The following EPHA3 variants were observed in gnomAD, a reference collection of about 807,000 sequenced individuals.
The protein encoded by EPHA3 is ephrin type-A receptor 3.
EPHA3 carries 42 observed loss-of-function variants against 107.1 expected under a neutral mutation model. That is an observed-to-expected ratio of 0.39 (90% confidence interval 0.31 to 0.51). The LOEUF (loss-of-function observed/expected upper bound fraction) is 0.51. Ranked by LOEUF, EPHA3 falls within the 20% of genes least tolerant of loss-of-function variation. The pLI, the probability that EPHA3 is intolerant of heterozygous loss-of-function variation, is 0.78. For synonymous variants in EPHA3, 461 were observed against 424.8 expected (o/e 1.09, Z -1.05); for missense variants, 1,183 against 1,211.2 (o/e 0.98, Z 0.35).
chr3:89,351,381 C>T (rs1448891665), intron 5 of EPHA3, among the ~76,000 whole-genome samples: 188 of 144,466 alleles, frequency 1.3e-3, no homozygotes, highest in Middle Eastern at 3.2e-3. Context: ...CCCGATTTTC[C>T]AGGTGCGTCC....
intron 15 of EPHA3, among the ~76,000 whole-genome samples, chr3:89,459,702 T>C (rs75344343): frequency 0.033 from 4,963 of 152,172 alleles, 276 homozygotes; most frequent in African/African-American, 0.11. Flanking sequence ...TTTGTATTCT[T>C]AGTGGAGATG....
At chr3:89,409,529 C>T (rs762837960) in intron 9 of EPHA3, among the ~76,000 whole-genome samples, 11 of 151,892 alleles carry the variant, frequency 7.2e-5, no homozygotes, top group Admixed American at 2.0e-4. Context: ...GTTCCTCTAT[C>T]GTCCCAGTCT....
chr3:89,384,323 T>C (rs1708571003), intron 5 of EPHA3, among the ~76,000 whole-genome samples: 1 of 152,148 alleles, frequency 6.6e-6, no homozygotes, highest in African/African-American at 2.4e-5. Context: ...AAAGTTAATG[T>C]TCTTACCCAA....
At chr3:89,307,426 A>G (rs1429331373) in intron 3 of EPHA3, among the ~76,000 whole-genome samples, 1 of 152,224 alleles carries the variant, frequency 6.6e-6, no homozygotes, top group Non-Finnish European at 1.5e-5. Flanking sequence ...AGGCTTAATT[A>G]TTCAGCTGGT....
At chr3:89,300,353 A>G (rs1214816385) in intron 3 of EPHA3, among the ~76,000 whole-genome samples, 2 of 152,080 alleles carry the variant, frequency 1.3e-5, no homozygotes, top group African/African-American at 4.8e-5. Context: ...AAAGTTATAT[A>G]TTAATATGTA....
At chr3:89,342,655 C>T (rs987495006) in intron 5 of EPHA3, among the ~76,000 whole-genome samples, 5 of 151,942 alleles carry the variant, frequency 3.3e-5, no homozygotes, top group Non-Finnish European at 5.9e-5. Flanking sequence ...AGAAATAATG[C>T]CCCTTTGAGA....
chr3:89,185,139 G>A lies in EPHA3; in HGVS notation c.154-24721G>A, dbSNP rs186149132. ...AAGAACCTAAACCTAGAAACATTAT[G>A]TTGTTTCCTGTATAATTCAAAGTCA... On this transcript the variant is annotated intron_variant, in intron 2 of 16. Transcript: ENST00000336596. 4.4e-4 allele frequency among the ~76,000 whole-genome samples: 67 copies of A among 152,118 alleles called. No homozygotes were observed. The East Asian group carries it at 0.013, about 29-fold the overall frequency.
chr3:89,392,683 A>G (rs1708769412), intron 5 of EPHA3, among the ~76,000 whole-genome samples: 1 of 152,066 alleles, frequency 6.6e-6, no homozygotes, highest in South Asian at 2.1e-4. Context: ...TAAATCTGTC[A>G]TACAGTGTAC....
intron 3 of EPHA3, among the ~76,000 whole-genome samples, chr3:89,238,728 A>G (rs1489181557): frequency 1.3e-5 from 2 of 152,220 alleles, no homozygotes; most frequent in East Asian, 1.9e-4. Flanking sequence ...TATTTTCTTT[A>G]GAGTGTTGTT....
intron 6 of EPHA3, among the ~76,000 whole-genome samples, chr3:89,396,761 G>A (rs1708858354): frequency 1.3e-5 from 2 of 152,100 alleles, no homozygotes; most frequent in African/African-American, 4.8e-5. Context: ...AGTTTATAAA[G>A]TGTGTTAAAA....
At chr3:89,350,060 C>T (rs1243023268) in intron 5 of EPHA3, among the ~76,000 whole-genome samples, 1 of 150,802 alleles carries the variant, frequency 6.6e-6, no homozygotes, top group African/African-American at 2.4e-5. Context: ...TTTTTTCCTT[C>T]ATTTCAACTT....
At chr3:89,375,434 G>T (rs1284623497) in intron 5 of EPHA3, among the ~76,000 whole-genome samples, 2 of 151,664 alleles carry the variant, frequency 1.3e-5, no homozygotes, top group Non-Finnish European at 2.9e-5. Context: ...TGAAGAATAA[G>T]TATTAATCAT....
In EPHA3 at chr3:89,432,853, T is replaced by A. The variant is rs561832211; in HGVS notation, c.2346+1494T>A. On this transcript the variant is annotated intron_variant, in intron 13 of 16. Transcript: ENST00000336596. ...GGCACTTTACTTATATATAAATCAA[T>A]GCCATTTTGTTTTCTGCCCTGTTTT... Among the ~76,000 whole-genome samples the A allele has an allele frequency of 3.9e-5, 6 of 152,206 alleles. No homozygotes were observed. The East Asian group carries it at 9.7e-4, about 24-fold the overall frequency.
At chr3:89,227,898 G>T (rs903230793) in intron 3 of EPHA3, among the ~76,000 whole-genome samples, 5 of 151,854 alleles carry the variant, frequency 3.3e-5, no homozygotes, top group African/African-American at 1.2e-4. Context: ...AATTGGTTTG[G>T]CAAATTTCAC....
intron 5 of EPHA3, among the ~76,000 whole-genome samples, chr3:89,345,605 T>TC (rs1443414928): frequency 1.5e-5 from 2 of 133,032 alleles, no homozygotes; most frequent in African/African-American, 5.8e-5. Flanking sequence ...AGTGACAATT[T>TC]CTTTTTTTTT....
At chr3:89,145,609 G>A (rs1453093928) in intron 2 of EPHA3, among the ~76,000 whole-genome samples, 1 of 151,690 alleles carries the variant, frequency 6.6e-6, no homozygotes, top group Non-Finnish European at 1.5e-5. Context: ...TGATTTAAAT[G>A]AGTCAAATTT....
intron 3 of EPHA3, among the ~76,000 whole-genome samples, chr3:89,221,452 C>T (rs1286007148): frequency 6.6e-6 from 1 of 152,134 alleles, no homozygotes; most frequent in African/African-American, 2.4e-5. Flanking sequence ...CTTAACATGC[C>T]TTCTAAATAG....
intron 3 of EPHA3, among the ~76,000 whole-genome samples, chr3:89,246,193 G>T (rs1348517936): frequency 1.3e-5 from 2 of 152,114 alleles, no homozygotes; most frequent in Admixed American, 1.3e-4. Context: ...TGATTCTGAA[G>T]ATTGCAGCAT....
At chr3:89,415,467 A>AATATATATATATATATAT (rs71621548) in intron 10 of EPHA3, among the ~76,000 whole-genome samples, 3,019 of 130,894 alleles carry the variant, frequency 0.023, 57 homozygotes, top group Non-Finnish European at 0.03. Context: ...TTACAGAAAG[A>AATATATATATATATATAT]ATATATATAT....
Sources: gnomAD v4.1 joint callset for allele counts (sites outside exome capture counted in the v4.1 genomes callset) on GRCh38, gnomAD v4.1.1 for gene constraint, MANE v1.5 for transcripts, NCBI Gene and HGNC (gene_info 2026-07-23, HGNC 2026-07-21) for gene names.